Variants in IZUMO4 observed in about 807,000 individuals in gnomAD.
The protein encoded by IZUMO4 is izumo sperm-egg fusion protein 4.
A neutral mutation model predicts 37.1 loss-of-function variants in IZUMO4; 51 were observed. The ratio of observed to expected loss-of-function variants is 1.38; its 90% CI spans 1.10 to 1.74. The LOEUF (loss-of-function observed/expected upper bound fraction) is 1.74, where lower values mean the gene tolerates loss of function less well. Among genes scored for constraint, IZUMO4 ranks in the 40% most tolerant of loss-of-function variants. The probability of loss-of-function intolerance (pLI) is 0.00; values close to 1 mark genes in which losing one functional copy is unlikely to be tolerated. For missense variants in IZUMO4, 364 were observed against 299.6 expected (o/e 1.21, Z -1.59); for synonymous variants, 162 against 121.4 (o/e 1.33, Z -2.20).
rs535248980 is a variant in IZUMO4, at chr19:2,098,980, C to T, written c.559C>T (p.Arg187Cys). Residue 187 changes from arginine (R) to cysteine (C), a missense_variant, in exon 9 of 10, where the codon CGC becomes TGC. Arg to Cys is a radical substitution (Grantham distance 180). Transcript: ENST00000395301. ...WHKQDTSMRP[R>C]SSAFSWPGTH... ...ATGTGGTGGTTTCATGAACAGACCA[C>T]GCTCCTCTGCCTTCTCCTGGCCTGG... 8.6e-5 allele frequency: 138 copies of T among 1,613,126 alleles called. No homozygotes were observed. The East Asian group carries it at 1.0e-3, about 12-fold the overall frequency.
At chr19:2,098,164 C>T (rs1198334074) in intron 5 of IZUMO4, 37 bp downstream of exon 5, 1 of 1,611,978 alleles carries the variant, frequency 6.2e-7, no homozygotes, top group Admixed American at 1.7e-5. Flanking sequence ...GTGCCAGGGC[C>T]CTACTGTCCC....
Position 2,098,387 on chromosome 19 carries a change from C to T in IZUMO4, c.522-49C>T, listed in dbSNP as rs201352910. On this transcript the variant is annotated intron_variant, in intron 6 of 9. Coordinates refer to ENST00000395301, the MANE Select transcript of IZUMO4 (RefSeq NM_001039846.2). ...GCTCACCTGGGCCTGGGAGGGAACA[C>T]TGGCCACGGCCACTCGGCCTCCTGA... 6,116 of 1,613,984 alleles carry T rather than the reference C, an allele frequency of 3.8e-3. 22 individuals carry two copies. The highest frequency in any genetic ancestry group is 4.4e-3 in the Non-Finnish European group (5,164 of 1,179,992).
rs550942541 is a variant in IZUMO4, at chr19:2,098,456, T to A, written c.536+6T>A. Reference sequence around the variant, plus strand: ...TGTAGAAATAACTGGCACAAGTAAGTCCCCTCCTCAAACCAACACAGGCAG... The same window carrying A: ...TGTAGAAATAACTGGCACAAGTAAGACCCCTCCTCAAACCAACACAGGCAG... On this transcript the variant is annotated splice_donor_region_variant and intron_variant, in intron 7 of 9. Transcript: ENST00000395301. 3.1e-6 allele frequency: 5 copies of A among 1,613,786 alleles called. No homozygotes were observed. The African/African-American group carries it at 5.3e-5, about 17-fold the overall frequency.
chr19:2,098,154 G>T (rs371222663), intron 5 of IZUMO4, 27 bp downstream of exon 5: 2 of 1,612,402 alleles, frequency 1.2e-6, no homozygotes, highest in Non-Finnish European at 1.7e-6. Flanking sequence ...ACACCCACCC[G>T]TGCCAGGGCC....
At chr19:2,098,152 C>G in intron 5 of IZUMO4, 25 bp downstream of exon 5, 1 of 1,612,506 alleles carries the variant, frequency 6.2e-7, no homozygotes, top group Non-Finnish European at 8.5e-7. Context: ...TCACACCCAC[C>G]CGTGCCAGGG....
rs770904118 is a variant in IZUMO4, at chr19:2,099,291, A to C, written c.645A>C (p.Pro215=). Reference sequence around the variant, plus strand: ...CAGCCTTAAGGTGTCTGGAGCCCCCACACTTGGCCAACCTGACCTTGGAAG... The same window carrying C: ...CAGCCTTAAGGTGTCTGGAGCCCCCCCACTTGGCCAACCTGACCTTGGAAG... ...VSPALRCLEP[P]HLANLTLEDA... Residue 215 remains proline (P), a synonymous_variant, in exon 10 of 10, where the codon CCA becomes CCC. Coordinates refer to ENST00000395301, the MANE Select transcript of IZUMO4 (RefSeq NM_001039846.2). The C allele has an allele frequency of 7.3e-5, 117 of 1,613,446 alleles. No individual in the cohort carries two copies. The highest frequency in any genetic ancestry group is 9.5e-5 in the Non-Finnish European group (112 of 1,179,968).
In IZUMO4 at chr19:2,097,405, T is replaced by C. The variant is rs1390892731; in HGVS notation, c.299-19T>C. 6.4e-7 allele frequency: 1 copy of C among 1,568,122 alleles called. No homozygotes were observed. Among genetic ancestry groups the C allele is most frequent in the Non-Finnish European group, 8.7e-7 (1 of 1,144,400 alleles). ...CGCCCACCGCCTGAGCCTGACCTTC[T>C]CCTGCCTCGACGACTCAGGGTATTT... On this transcript the variant is annotated intron_variant, in intron 2 of 9. Transcript: ENST00000395301.
chr19:2,099,177 GGA>G, intron 9 of IZUMO4, 76 bp from the exon 10 acceptor site: 2 of 1,419,870 alleles, frequency 1.4e-6, no homozygotes, highest in Non-Finnish European at 2.0e-6. Flanking sequence ...CCAGCTGGGA[GGA>G]GAGGCCTGGG....
In IZUMO4 at chr19:2,099,377, G is replaced by A. The variant is rs112530329; in HGVS notation, c.*32G>A. On this transcript the variant is annotated 3_prime_UTR_variant, in exon 10 of 10. Transcript: ENST00000395301. Reference sequence around the variant, plus strand: ...CTGGGCCTGCCCCAGGGCAACGTGGGGGCGGAGACTCAGCTGGACAGCCCC... The same window carrying A: ...CTGGGCCTGCCCCAGGGCAACGTGGAGGCGGAGACTCAGCTGGACAGCCCC... The A allele has an allele frequency of 3.3e-6, 5 of 1,492,950 alleles. No individual in the cohort carries two copies. Among genetic ancestry groups the A allele is most frequent in the Non-Finnish European group, 4.6e-6 (5 of 1,085,078 alleles). 92.5% of individuals were successfully genotyped at this position (1,492,950 alleles called of 1,614,324 possible).
Position 2,098,056 on chromosome 19 carries a change from C to T in IZUMO4, c.402C>T (p.Ile134=), listed in dbSNP as rs1231368558. ...CGGCTCTTGTACGTGTTTCAGGCAT[C>T]TTCCAGTACGAGACCATCTCCTGCA... ...SRIDCQHRCG[I]FQYETISCNN... The change falls in exon 5 of 10, where the codon ATC becomes ATT. Residue 134 remains isoleucine (I), a synonymous_variant. Coordinates refer to ENST00000395301, the MANE Select transcript of IZUMO4 (RefSeq NM_001039846.2). 6.2e-7 allele frequency: 1 copy of T among 1,613,398 alleles called. No individual in the cohort carries two copies. The highest frequency in any genetic ancestry group is 1.7e-5 in the Admixed American group (1 of 60,004).
At position 2,098,427 on chromosome 19, in the gene IZUMO4, T is replaced by A; in HGVS notation, c.522-9T>A. 6.2e-7 allele frequency: 1 copy of A among 1,613,924 alleles called. No individual in the cohort carries two copies. The highest frequency in any genetic ancestry group is 8.5e-7 in the Non-Finnish European group (1 of 1,180,010). On this transcript the variant is annotated splice_polypyrimidine_tract_variant and intron_variant, in intron 6 of 9. Coordinates refer to ENST00000395301, the MANE Select transcript of IZUMO4 (RefSeq NM_001039846.2). Reference sequence around the variant, plus strand: ...CGGCCTCCTGAGTCCAAACCCACTGTCTTTGTAGAAATAACTGGCACAAGT... The same window carrying A: ...CGGCCTCCTGAGTCCAAACCCACTGACTTTGTAGAAATAACTGGCACAAGT...
At position 2,099,090 on chromosome 19, in the gene IZUMO4, T is replaced by G. The variant is rs1273377866; in HGVS notation, c.608+61T>G. On this transcript the variant is annotated intron_variant, in intron 9 of 9. Transcript: ENST00000395301. ...GGGTGCTCGTAAGCCAACACCAGCG[T>G]GCCGCGGCCTGCACACCCTGCTGAC... The G allele has an allele frequency of 8.0e-6, 12 of 1,504,286 alleles. No individual in the cohort carries two copies. The East Asian group carries it at 2.3e-4, about 28-fold the overall frequency. The allele number at this position is 1,504,286 out of a possible 1,614,324, so 93.2% of individuals were successfully genotyped here.
Position 2,099,199 on chromosome 19 carries a change from G to C in IZUMO4, c.609-56G>C, listed in dbSNP as rs138285707. 6.9e-4 allele frequency: 1,039 copies of C among 1,514,986 alleles called. 10 individuals are homozygous for C. In the East Asian group the frequency reaches 0.016, roughly 24 times the overall value. The allele number at this position is 1,514,986 out of a possible 1,614,324, so 93.8% of individuals were successfully genotyped here. A position where few individuals can be genotyped will look rare whatever the true frequency, so the allele number is the denominator to read the frequency against. ...GGAGGAGAGGCCTGGGGCCCCCAGG[G>C]AGGGAGGCAGGGGGTGGGGGACATG... On this transcript the variant is annotated intron_variant, in intron 9 of 9. Coordinates refer to ENST00000395301, the MANE Select transcript of IZUMO4 (RefSeq NM_001039846.2).
At chr19:2,099,153 T>G (rs1021875934) in intron 9 of IZUMO4, 102 bp from the exon 10 acceptor site, 1 of 1,379,892 alleles carries the variant, frequency 7.2e-7, no homozygotes, top group Non-Finnish European at 1.0e-6. Flanking sequence ...TGGCCACACA[T>G]AGGACCACAC....
chr19:2,098,662 C>A (rs1003389583), intron 7 of IZUMO4, 125 bp from the exon 8 acceptor site: 10 of 1,558,962 alleles, frequency 6.4e-6, no homozygotes, highest in Non-Finnish European at 8.7e-6. Context: ...GGGCATCTTT[C>A]CTAAAGGGTC....
Position 2,099,590 on chromosome 19 carries a change from A to G in IZUMO4, c.*245A>G. ...TAAAGTCCCTGATGTTTCTCTTTGC[A>G]GAAGAGTTCTTGTTGGGGCAGGGGG... On this transcript the variant is annotated 3_prime_UTR_variant, in exon 10 of 10. Coordinates refer to ENST00000395301, the MANE Select transcript of IZUMO4 (RefSeq NM_001039846.2). The G allele has an allele frequency of 1.9e-6, 1 of 538,246 alleles. No homozygotes were observed. The highest frequency in any genetic ancestry group is 3.1e-5 in the East Asian group (1 of 32,372). 33.3% of individuals were successfully genotyped at this position (538,246 alleles called of 1,614,324 possible). A position where few individuals can be genotyped will look rare whatever the true frequency, so the allele number is the denominator to read the frequency against.
intron 1 of IZUMO4, 32 bp downstream of exon 1, chr19:2,097,194 A>T: frequency 6.2e-7 from 1 of 1,604,548 alleles, no homozygotes; most frequent in South Asian, 1.1e-5. Flanking sequence ...AGTCCCGACT[A>T]CCCCGCCAGC....
rs1187816727 is a variant in IZUMO4, at chr19:2,099,557, G to A, written c.*212G>A. On this transcript the variant is annotated 3_prime_UTR_variant, in exon 10 of 10. Coordinates refer to ENST00000395301, the MANE Select transcript of IZUMO4 (RefSeq NM_001039846.2). ...CCTGGGCAGGTCCGCAGAGCTGCGG[G>A]ATGTGATTAAAGTCCCTGATGTTTC... 1.4e-5 allele frequency: 8 copies of A among 581,988 alleles called. No individual in the cohort carries two copies. The highest frequency in any genetic ancestry group is 2.0e-5 in the South Asian group (1 of 49,112). The allele number at this position is 581,988 out of a possible 1,614,324, so 36.1% of individuals were successfully genotyped here.
intron 4 of IZUMO4, 42 bp from the exon 5 acceptor site, chr19:2,098,010 G>A: frequency 6.2e-7 from 1 of 1,613,120 alleles, no homozygotes; most frequent in South Asian, 1.1e-5. Flanking sequence ...TCGGGGCCCT[G>A]GAGGCTGAGG....
Sources: allele counts gnomAD v4.1 joint callset, GRCh38; gene constraint gnomAD v4.1.1; transcripts MANE v1.5; gene names NCBI Gene and HGNC (gene_info 2026-07-23, HGNC 2026-07-21).